Variants in TRAPPC9 observed in about 807,000 individuals in gnomAD.
TRAPPC9 encodes IKK2 binding protein.
A neutral mutation model predicts 124.0 loss-of-function variants in TRAPPC9; 83 were observed. The observed-to-expected ratio is 0.67, with a 90% CI of 0.56 to 0.80. The LOEUF is 0.80. Among genes scored for constraint, TRAPPC9 ranks in the 30% least tolerant of loss-of-function variants. The pLI is 0.00. For synonymous variants in TRAPPC9, 638 were observed against 617.5 expected, an observed-to-expected ratio of 1.03 and a Z score of -0.49; for missense variants, 1,302 against 1,508.3, an observed-to-expected ratio of 0.86 and a Z score of 2.27.
intron 19 of TRAPPC9, among the ~76,000 whole-genome samples, chr8:139,920,390 G>T (rs116098780): frequency 2.7e-4 from 41 of 152,348 alleles, no homozygotes; most frequent in African/African-American, 9.1e-4. Flanking sequence ...CCACTTTTCT[G>T]CTATTCATTT....
Position 140,097,208 on chromosome 8 carries a change from G to C in TRAPPC9, c.2557-73129C>G, listed in dbSNP as rs1455421031. On this transcript the variant is annotated intron_variant, in intron 17 of 22. Transcript: ENST00000438773. This position sits in a 1 kb window ranked among gnomAD's most constrained non-coding sequence, Gnocchi z 4.2. The stretch of plus-strand genomic sequence containing the variant: ...GACACCTGCCCTGGTCCTCCGTGCA[G>C]CTGGCACGGAGTCACAGTCAGCAGA... The C allele has an allele frequency of 6.6e-6, 1 of 152,344 alleles. No homozygotes were observed. Among genetic ancestry groups the C allele is most frequent in the African/African-American group, 2.4e-5 (1 of 41,450 alleles). The allele number at this position is 152,344 out of a possible 1,614,324, so 9.4% of individuals were successfully genotyped here.
chr8:139,959,606 G>A (rs1243576460), intron 19 of TRAPPC9, among the ~76,000 whole-genome samples: 3 of 152,158 alleles, frequency 2.0e-5, no homozygotes, highest in East Asian at 1.9e-4. Flanking sequence ...GGCTCCCTGG[G>A]CACTAAGAGC....
Position 140,451,105 on chromosome 8 carries a change from T to G in TRAPPC9, c.269A>C (p.Lys90Thr). Residue 90 changes from lysine to threonine, a missense_variant, in exon 2 of 23, where the codon AAG becomes ACG. By Grantham distance (78) the Lys-to-Thr change is moderately conservative. Coordinates refer to ENST00000438773, the MANE Select transcript of TRAPPC9 (RefSeq NM_001160372.4). Reference sequence around the variant, plus strand: ...CTTCTCAAAGGTCTGTGGCCAGTCCTTGGCCGAGAAGCAGTCTGTGATGGT... The same window carrying G: ...CTTCTCAAAGGTCTGTGGCCAGTCCGTGGCCGAGAAGCAGTCTGTGATGGT... Reference protein sequence around the residue: ...LITITDCFSAKDWPQTFEKFH... With the variant: ...LITITDCFSATDWPQTFEKFH... 1 of 1,614,080 alleles carries G rather than the reference T, an allele frequency of 6.2e-7. No homozygotes were observed.
chr8:139,971,416 T>C (rs1417913948), intron 19 of TRAPPC9, among the ~76,000 whole-genome samples: 1 of 152,106 alleles, frequency 6.6e-6, no homozygotes, highest in Non-Finnish European at 1.5e-5. Flanking sequence ...AGCTGCCCTC[T>C]GCCTGCCCAG....
At chr8:140,164,098 C>G (rs990188621) in intron 17 of TRAPPC9, among the ~76,000 whole-genome samples, 12 of 152,176 alleles carry the variant, frequency 7.9e-5, no homozygotes, top group Admixed American at 6.5e-5. Flanking sequence ...ATGTACTCAG[C>G]AAACACAGCG....
Position 140,275,691 on chromosome 8 carries a change from G to T in TRAPPC9, c.2245C>A (p.Leu749Met). Residue 749 changes from leucine to methionine, a missense_variant, in exon 15 of 23, where the codon CTG becomes ATG. Physicochemically the swap from Leu to Met is conservative, Grantham distance 15. This residue lies in a region of TRAPPC9 where 640 missense variants were observed against 679.3 expected (regional missense o/e 0.94). Transcript: ENST00000438773. ...ENIGMEPLEK[L>M]EVTSKVLTTK... ...GTGAGAACTTTCGAGGTGACCTCCA[G>T]TTTCTCCAATGGTTCCATTCCAATA... 6.2e-7 allele frequency: 1 copy of T among 1,614,190 alleles called. No homozygotes were observed.
intron 20 of TRAPPC9, among the ~76,000 whole-genome samples, chr8:139,905,662 T>C (rs941826435): frequency 1.3e-5 from 2 of 151,628 alleles, no homozygotes; most frequent in Non-Finnish European, 2.9e-5. Flanking sequence ...GTGGGAAACA[T>C]GGCCCCAGGC....
At position 140,450,711 on chromosome 8, in the gene TRAPPC9, G is replaced by C; in HGVS notation, c.584+79C>G. The C allele has an allele frequency of 3.6e-6, 4 of 1,098,574 alleles. No individual in the cohort carries two copies. The Admixed American group carries it at 5.9e-5, about 16-fold the overall frequency. 68.1% of individuals were successfully genotyped at this position (1,098,574 alleles called of 1,614,324 possible). A position where few individuals can be genotyped will look rare whatever the true frequency, so the allele number is the denominator to read the frequency against. On this transcript the variant is annotated intron_variant, in intron 2 of 22. Transcript: ENST00000438773. ...AATGGACAACACCTTTCTACTCCTTGCTGCAATGAAATTCTGCCCTGTGCT... is the reference window on the plus strand; with the variant it reads ...AATGGACAACACCTTTCTACTCCTTCCTGCAATGAAATTCTGCCCTGTGCT...
chr8:140,136,464 C>T (rs889652145), intron 17 of TRAPPC9, among the ~76,000 whole-genome samples: 2 of 152,152 alleles, frequency 1.3e-5, no homozygotes, highest in African/African-American at 4.8e-5. Context: ...CGGTACCTAC[C>T]CATGGGCAAG....
chr8:140,078,703 C>A (rs919209228), intron 17 of TRAPPC9, among the ~76,000 whole-genome samples: 1 of 152,110 alleles, frequency 6.6e-6, no homozygotes, highest in Non-Finnish European at 1.5e-5. Flanking sequence ...GGAGCCCATG[C>A]AGGAACTGAG....
intron 21 of TRAPPC9, among the ~76,000 whole-genome samples, chr8:139,749,814 C>G (rs538632152): frequency 6.6e-6 from 1 of 152,182 alleles, no homozygotes; most frequent in African/African-American, 2.4e-5. Flanking sequence ...CTGTGCTGGA[C>G]TGGAGGGGCA....
At chr8:139,755,830 G>A (rs1159578256) in intron 21 of TRAPPC9, among the ~76,000 whole-genome samples, 10 of 134,128 alleles carry the variant, frequency 7.5e-5, no homozygotes, top group African/African-American at 1.1e-4. Flanking sequence ...ACAGCAGGTC[G>A]CAGGAGGAGC....
In TRAPPC9 at chr8:140,225,239, G is replaced by A. The variant is rs141331246; in HGVS notation, c.2432-3656C>T. The stretch of plus-strand genomic sequence containing the variant: ...ATTCACCATTATGCCCCTCATAGTA[G>A]CTGATGCAGGCTCTAACAAATTGTA... On this transcript the variant is annotated intron_variant, in intron 16 of 22. Transcript: ENST00000438773. 8.1e-4 allele frequency among the ~76,000 whole-genome samples: 123 copies of A among 152,308 alleles called. 1 individual carries two copies. The highest frequency in any genetic ancestry group is 6.8e-3 in the Middle Eastern group (2 of 294).
chr8:140,272,045 TGTG>T (rs914637884), intron 15 of TRAPPC9, among the ~76,000 whole-genome samples: 6 of 133,146 alleles, frequency 4.5e-5, no homozygotes, highest in Admixed American at 1.5e-4. Context: ...TGGTGGTGGT[TGTG>T]GTGGTTATGG....
At position 140,252,662 on chromosome 8, in the gene TRAPPC9, G is replaced by T; in HGVS notation, c.2431+115C>A. ...GCCCAGGAGATGTCTCAGGCAGCTT[G>T]AGTTAATGAATGACAAGTGAGTTAC... On this transcript the variant is annotated intron_variant, in intron 16 of 22. Transcript: ENST00000438773. The surrounding 1 kb of genome is among the most constrained non-coding windows in gnomAD (Gnocchi z 4.2). The T allele has an allele frequency of 3.2e-6, 4 of 1,253,630 alleles. No individual in the cohort carries two copies. The highest frequency in any genetic ancestry group is 2.1e-4 in the Middle Eastern group (1 of 4,718). The allele number at this position is 1,253,630 out of a possible 1,614,324, so 77.7% of individuals were successfully genotyped here.
chr8:139,762,807 C>T (rs1340155456), intron 21 of TRAPPC9, among the ~76,000 whole-genome samples: 1 of 152,202 alleles, frequency 6.6e-6, no homozygotes, highest in Non-Finnish European at 1.5e-5. Flanking sequence ...CAGGTCTCAG[C>T]TGCGGGACCT....
At chr8:139,778,632 G>A (rs1821563302) in intron 21 of TRAPPC9, among the ~76,000 whole-genome samples, 1 of 152,058 alleles carries the variant, frequency 6.6e-6, no homozygotes, top group South Asian at 2.1e-4. Context: ...TAACATCTCA[G>A]ATAAAAACAA....
chr8:140,259,146 C>T (rs922432950), intron 15 of TRAPPC9, among the ~76,000 whole-genome samples: 1 of 152,200 alleles, frequency 6.6e-6, no homozygotes, highest in South Asian at 2.1e-4. Flanking sequence ...CTTCCCCGCT[C>T]TTCACCCCTG....
At chr8:140,347,732 T>C (rs868388031) in intron 9 of TRAPPC9, among the ~76,000 whole-genome samples, 1 of 152,238 alleles carries the variant, frequency 6.6e-6, no homozygotes, top group Non-Finnish European at 1.5e-5. Flanking sequence ...CCTACTGTAG[T>C]AGTCTTAAAT....
Sources: gnomAD v4.1 joint callset for allele counts (sites outside exome capture counted in the v4.1 genomes callset) on GRCh38, gnomAD v4.1.1 for gene constraint, gnomAD v4.1.1 regional missense constraint, Gnocchi (gnomAD v3.1) non-coding constraint, MANE v1.5 for transcripts, NCBI Gene and HGNC (gene_info 2026-07-23, HGNC 2026-07-21) for gene names.